The following DHRSX variants were observed in gnomAD, a reference collection of about 807,000 sequenced individuals.
DHRSX encodes dehydrogenase/reductase X-linked.
DHRSX carries 31 observed loss-of-function variants against 34.0 expected under a neutral mutation model. The observed-to-expected ratio is 0.91, with a 90% CI of 0.69 to 1.23. The LOEUF is 1.23. Among genes scored for constraint, DHRSX ranks in the 50% most tolerant of loss-of-function variants. The pLI, the probability that DHRSX is intolerant of heterozygous loss-of-function variation, is 0.00. For missense variants in DHRSX, 414 were observed against 428.1 expected, an observed-to-expected ratio of 0.97 and a Z score of 0.29; for synonymous variants, 201 against 183.8, an observed-to-expected ratio of 1.09 and a Z score of -0.76.
intron 1 of DHRSX, among the ~76,000 whole-genome samples, chrX:2,432,203 A>AT (rs764895097): frequency 2.1e-4 from 32 of 152,076 alleles, no homozygotes; most frequent in African/African-American, 4.3e-4. Context: ...CAAAAAAAAA[A>AT]TTTTTTTTAA....
intron 1 of DHRSX, among the ~76,000 whole-genome samples, chrX:2,451,670 G>A (rs1283848222): frequency 2.6e-5 from 4 of 152,310 alleles, no homozygotes; most frequent in South Asian, 4.1e-4. Context: ...CCTGGGACAG[G>A]CGGTGACAGA....
At chrX:2,396,683 G>C (rs914129676) in intron 3 of DHRSX, among the ~76,000 whole-genome samples, 1 of 151,254 alleles carries the variant, frequency 6.6e-6, no homozygotes, top group African/African-American at 2.4e-5. Context: ...CATCCTTCCT[G>C]CCTCTTCCAG....
At chrX:2,324,202 T>A (rs1156716490) in intron 3 of DHRSX, among the ~76,000 whole-genome samples, 1 of 152,122 alleles carries the variant, frequency 6.6e-6, no homozygotes, top group Non-Finnish European at 1.5e-5. Context: ...AAGGACCCAT[T>A]TCCCTCCAAG....
intron 3 of DHRSX, among the ~76,000 whole-genome samples, chrX:2,357,859 C>T (rs6641687): frequency 0.39 from 58,590 of 151,858 alleles, 12,280 homozygotes; most frequent in East Asian, 0.66. Context: ...ACCTACATAA[C>T]GGTGGTTATG....
intron 3 of DHRSX, among the ~76,000 whole-genome samples, chrX:2,362,105 GC>G (rs1173882941): frequency 3.3e-5 from 5 of 152,168 alleles, no homozygotes; most frequent in African/African-American, 1.2e-4. Flanking sequence ...GAGGCTACAG[GC>G]TAAGAACTTT....
intron 6 of DHRSX, among the ~76,000 whole-genome samples, chrX:2,231,894 CCT>C (rs900428605): frequency 8.7e-5 from 13 of 149,976 alleles, no homozygotes; most frequent in South Asian, 4.2e-4. Flanking sequence ...TCCTCCTCCT[CCT>C]CTTTCTCTTA....
intron 5 of DHRSX, among the ~76,000 whole-genome samples, chrX:2,250,498 CA>C (rs1356239489): frequency 7.2e-5 from 11 of 152,078 alleles, no homozygotes; most frequent in Non-Finnish European, 1.6e-4. Context: ...TTTTCTGGGA[CA>C]GGGGTGACCA....
At chrX:2,474,941 G>A (rs1412405986) in intron 1 of DHRSX, among the ~76,000 whole-genome samples, 1 of 148,008 alleles carries the variant, frequency 6.8e-6, no homozygotes, top group African/African-American at 2.5e-5. Flanking sequence ...AAAAATGCAG[G>A]GAAGGGACAG....
chrX:2,473,221 G>C (rs150591570), intron 1 of DHRSX, among the ~76,000 whole-genome samples: 1 of 152,174 alleles, frequency 6.6e-6, no homozygotes, highest in Non-Finnish European at 1.5e-5. Flanking sequence ...AGAAACAAGA[G>C]ACAGGAATAT....
At chrX:2,478,136 T>C (rs1043477808) in intron 1 of DHRSX, among the ~76,000 whole-genome samples, 1 of 152,122 alleles carries the variant, frequency 6.6e-6, no homozygotes, top group Non-Finnish European at 1.5e-5. Context: ...TTTCTTGGTA[T>C]CAAACGTGTA....
At chrX:2,298,295 G>A (rs1257847144) in intron 3 of DHRSX, among the ~76,000 whole-genome samples, 1 of 144,522 alleles carries the variant, frequency 6.9e-6, no homozygotes, top group Non-Finnish European at 1.5e-5. Flanking sequence ...TATTTCTATT[G>A]TGCAAGTTCC....
rs756439159 is a variant in DHRSX, at chrX:2,401,947, G to A, written c.286+6798C>T. Among the ~76,000 whole-genome samples the A allele has an allele frequency of 1.1e-3, 161 of 152,308 alleles. 1 individual carries two copies. The highest frequency in any genetic ancestry group is 1.6e-3 in the Non-Finnish European group (106 of 68,030). ...AGCTCAATTAGCCGTCCTTCTGTGGGCACGTAGCTTCCCATGCCCTGCCCA... is the reference window on the plus strand; with the variant it reads ...AGCTCAATTAGCCGTCCTTCTGTGGACACGTAGCTTCCCATGCCCTGCCCA... On this transcript the variant is annotated intron_variant, in intron 3 of 6. Transcript: ENST00000334651.
At chrX:2,374,164 G>A (rs2124604136) in intron 3 of DHRSX, among the ~76,000 whole-genome samples, 2 of 152,138 alleles carry the variant, frequency 1.3e-5, no homozygotes, top group South Asian at 4.2e-4. Context: ...CAAACTCCTG[G>A]GCTCATATGA....
At chrX:2,251,331 T>G (rs1219059660) in intron 5 of DHRSX, among the ~76,000 whole-genome samples, 2 of 152,188 alleles carry the variant, frequency 1.3e-5, no homozygotes, top group Non-Finnish European at 1.5e-5. Flanking sequence ...CTCCCACAAT[T>G]TAACCTAAGT....
chrX:2,271,770 G>A (rs1472340150), intron 4 of DHRSX, among the ~76,000 whole-genome samples: 1 of 152,148 alleles, frequency 6.6e-6, no homozygotes, highest in Non-Finnish European at 1.5e-5. Flanking sequence ...CCGGCCCGGT[G>A]GGTCATGCCT....
intron 3 of DHRSX, among the ~76,000 whole-genome samples, chrX:2,360,948 T>C (rs1417963497): frequency 6.6e-6 from 1 of 152,132 alleles, no homozygotes; most frequent in Non-Finnish European, 1.5e-5. Flanking sequence ...AGCTGGAATT[T>C]GGGGAATGAG....
rs184683251 is a variant in DHRSX at position 2,246,908 on chromosome X, A to G, written c.597-3678T>C. On this transcript the variant is annotated intron_variant, in intron 5 of 6. Transcript: ENST00000334651. ...GAGAAATACAGAAAGAAAACAGTATAAACATAAATGATACCACTGGGGAAC... is the reference window on the plus strand; with the variant it reads ...GAGAAATACAGAAAGAAAACAGTATGAACATAAATGATACCACTGGGGAAC... 7.9e-5 allele frequency among the ~76,000 whole-genome samples: 12 copies of G among 152,246 alleles called. No homozygotes were observed. In the East Asian group the frequency reaches 2.3e-3, roughly 29 times the overall value.
intron 1 of DHRSX, among the ~76,000 whole-genome samples, chrX:2,449,237 G>C (rs1227398208): frequency 1.3e-5 from 2 of 151,476 alleles, no homozygotes; most frequent in Non-Finnish European, 2.9e-5. Context: ...CAGAAGAGAC[G>C]ACCTTCAAAT....
intron 1 of DHRSX, among the ~76,000 whole-genome samples, chrX:2,443,460 A>G (rs939492762): frequency 5.9e-5 from 9 of 152,178 alleles, no homozygotes; most frequent in Admixed American, 2.0e-4. Context: ...AGTGATGTAC[A>G]TTCTCTACCC....
Sources: gnomAD v4.1 joint callset for allele counts (sites outside exome capture counted in the v4.1 genomes callset) on GRCh38, gnomAD v4.1.1 for gene constraint, MANE v1.5 for transcripts, NCBI Gene and HGNC (gene_info 2026-07-23, HGNC 2026-07-21) for gene names.